Variants in TMC1 observed in about 807,000 individuals in gnomAD.
The protein encoded by TMC1 is transmembrane channel like 1.
Under a neutral mutation model 105.8 loss-of-function variants are expected in TMC1, and 84 were observed. That is an observed-to-expected ratio of 0.79 (90% CI 0.67 to 0.95). The LOEUF (loss-of-function observed/expected upper bound fraction) is 0.95. TMC1 is among the 40% of genes least tolerant of loss of function. TMC1 has a pLI of 0.00. For missense variants in TMC1, 817 were observed against 914.1 expected, an observed-to-expected ratio of 0.89 and a Z score of 1.37; for synonymous variants, 315 against 311.5, an observed-to-expected ratio of 1.01 and a Z score of -0.12.
chr9:72,709,653 G>A (rs1306964519), intron 8 of TMC1, among the ~76,000 whole-genome samples: 1 of 152,098 alleles, frequency 6.6e-6, no homozygotes, highest in Non-Finnish European at 1.5e-5. Flanking sequence ...GTGCATAAAG[G>A]TGTTCATAGT....
intron 8 of TMC1, among the ~76,000 whole-genome samples, chr9:72,708,213 G>T (rs1478722411): frequency 2.0e-5 from 3 of 152,056 alleles, no homozygotes; most frequent in African/African-American, 7.2e-5. Flanking sequence ...TTCCAGATTT[G>T]TTCTTTTTGC....
intron 8 of TMC1, among the ~76,000 whole-genome samples, chr9:72,714,114 T>G (rs929649306): frequency 3.9e-5 from 6 of 152,230 alleles, no homozygotes; most frequent in Admixed American, 2.0e-4. Flanking sequence ...CTAATTTGAT[T>G]GCACTGTGGT....
At chr9:72,828,100 T>A (rs746179314) in intron 21 of TMC1, among the ~76,000 whole-genome samples, 2 of 152,198 alleles carry the variant, frequency 1.3e-5, no homozygotes, top group Admixed American at 1.3e-4. Flanking sequence ...GTAAATCCAG[T>A]GCTCACTTCT....
chr9:72,689,374 A>G (rs1564492535), intron 6 of TMC1, among the ~76,000 whole-genome samples: 1 of 152,062 alleles, frequency 6.6e-6, no homozygotes, highest in Non-Finnish European at 1.5e-5. Context: ...TTAGAGTAGT[A>G]TTTTTAGGTT....
chr9:72,759,728 G>T lies in TMC1; in HGVS notation c.741+4844G>T, dbSNP rs145960132. Among the ~76,000 whole-genome samples, 946 of 152,308 alleles carry T rather than the reference G, an allele frequency of 6.2e-3. 31 individuals are homozygous for T. Among genetic ancestry groups the T allele is most frequent in the Admixed American group, 0.051 (782 of 15,276 alleles). ...CAAAAATAAGAGAATTTTAGAAATA[G>T]AGGTGCTCTTCGATATCTTCCATCC... On this transcript the variant is annotated intron_variant, in intron 12 of 23. Transcript: ENST00000297784.
At chr9:72,579,880 G>T (rs1340545311) in intron 2 of TMC1, among the ~76,000 whole-genome samples, 1 of 151,860 alleles carries the variant, frequency 6.6e-6, no homozygotes, top group East Asian at 1.9e-4. Context: ...AAATTAGCCA[G>T]TCTCATAACC....
intron 13 of TMC1, among the ~76,000 whole-genome samples, chr9:72,777,920 T>C (rs934363346): frequency 2.6e-5 from 4 of 152,174 alleles, no homozygotes; most frequent in African/African-American, 9.7e-5. Context: ...CAGTGCTAAG[T>C]TTACTTCTAG....
At chr9:72,788,215 C>G (rs903972786) in intron 13 of TMC1, 124 bp from the exon 14 acceptor site, 1 of 1,051,702 alleles carries the variant, frequency 9.5e-7, no homozygotes, top group East Asian at 2.5e-5. Flanking sequence ...TTAGAACAAA[C>G]TTGTTATAAA....
chr9:72,780,785 T>C (rs1478165123), intron 13 of TMC1, among the ~76,000 whole-genome samples: 1 of 152,196 alleles, frequency 6.6e-6, no homozygotes, highest in Non-Finnish European at 1.5e-5. Flanking sequence ...CCTAAATGTA[T>C]ATGTACCCAA....
intron 3 of TMC1, among the ~76,000 whole-genome samples, chr9:72,626,512 G>T (rs1485573722): frequency 1.3e-5 from 2 of 152,234 alleles, no homozygotes; most frequent in African/African-American, 4.8e-5. Flanking sequence ...ACACTGAAGA[G>T]AGCAGGAAGA....
At chr9:72,624,174 G>A (rs147859688) in intron 3 of TMC1, among the ~76,000 whole-genome samples, 7 of 152,262 alleles carry the variant, frequency 4.6e-5, no homozygotes, top group Admixed American at 3.9e-4. Context: ...ATTATCTTTT[G>A]TAAGTGGGAG....
chr9:72,542,496 T>C (rs1317215221), intron 1 of TMC1, among the ~76,000 whole-genome samples: 1 of 151,800 alleles, frequency 6.6e-6, no homozygotes, highest in African/African-American at 2.4e-5. Context: ...GGCACACACC[T>C]GTAATCTCAG....
chr9:72,808,827 G>C (rs140411386), intron 18 of TMC1: 65 of 152,280 alleles, frequency 4.3e-4, no homozygotes, highest in African/African-American at 1.5e-3. Flanking sequence ...CTGCCCTCTA[G>C]TCTCTGGATG....
intron 1 of TMC1, among the ~76,000 whole-genome samples, chr9:72,543,105 A>C (rs1382639174): frequency 6.6e-6 from 1 of 152,144 alleles, no homozygotes; most frequent in East Asian, 1.9e-4. Flanking sequence ...TTTACATTTC[A>C]TCTTGTAAGG....
chr9:72,536,464 C>G (rs1347815397), intron 1 of TMC1, among the ~76,000 whole-genome samples: 1 of 152,122 alleles, frequency 6.6e-6, no homozygotes, highest in Non-Finnish European at 1.5e-5. Flanking sequence ...TCCTGAGTAG[C>G]TGGGACTACA....
At chr9:72,800,427 G>A (rs575157022) in intron 17 of TMC1, among the ~76,000 whole-genome samples, 3 of 152,310 alleles carry the variant, frequency 2.0e-5, no homozygotes, top group African/African-American at 7.2e-5. Flanking sequence ...TACTGAATGG[G>A]ATTAATAGAA....
At chr9:72,719,957 G>A (rs1384842832) in intron 8 of TMC1, among the ~76,000 whole-genome samples, 2 of 152,162 alleles carry the variant, frequency 1.3e-5, no homozygotes, top group Admixed American at 6.5e-5. Flanking sequence ...CTGTGGGCAA[G>A]TTTCTTAGTC....
chr9:72,599,171 C>T (rs1224489355), intron 2 of TMC1, among the ~76,000 whole-genome samples: 2 of 152,170 alleles, frequency 1.3e-5, no homozygotes, highest in Admixed American at 6.5e-5. Flanking sequence ...GCTGGGATTA[C>T]AGGCGTGTGC....
chr9:72,663,747 A>G (rs1826000465), intron 5 of TMC1, among the ~76,000 whole-genome samples: 2 of 152,170 alleles, frequency 1.3e-5, no homozygotes, highest in East Asian at 1.9e-4. Context: ...TTAGCTTACT[A>G]TAAGTTTTTT....
Sources: gnomAD v4.1 joint callset for allele counts (sites outside exome capture counted in the v4.1 genomes callset) on GRCh38, gnomAD v4.1.1 for gene constraint, MANE v1.5 for transcripts, NCBI Gene and HGNC (gene_info 2026-07-23, HGNC 2026-07-21) for gene names.